WFS1: variants seen among roughly 807,000 people sequenced by gnomAD.
The protein encoded by WFS1 is wolframin.
In WFS1, 90 loss-of-function variants were observed where a neutral mutation model predicts 68.5. The observed-to-expected ratio is 1.31, with a 90% confidence interval of 1.11 to 1.56. The LOEUF (loss-of-function observed/expected upper bound fraction) is 1.56. Among genes scored for constraint, WFS1 ranks in the 40% most tolerant of loss-of-function variants. WFS1 has a pLI of 0.00. For missense variants in WFS1, 1,767 were observed against 1,232.6 expected (o/e 1.43, Z -6.49); for synonymous variants, 860 against 540.7 (o/e 1.59, Z -8.19).
rs557437645 is a variant in WFS1 at position 6,302,523 on chromosome 4, G to C, written c.*55G>C. The C allele has an allele frequency of 1.2e-5, 20 of 1,605,174 alleles. No individual in the cohort carries two copies. The highest frequency in any genetic ancestry group is 4.5e-5 in the East Asian group (2 of 44,802). On this transcript the variant is annotated 3_prime_UTR_variant, in exon 8 of 8. Transcript: ENST00000226760. ...CATGTTGCCATGAGGCCTTTCCCCA[G>C]TGTGGCCCCAGCCCGACAGGCATGC...
intron 1 of WFS1, among the ~76,000 whole-genome samples, chr4:6,275,068 G>A (rs1028164711): frequency 6.6e-6 from 1 of 152,166 alleles, no homozygotes; most frequent in Non-Finnish European, 1.5e-5. Context: ...AGGTCCATGC[G>A]AGGAACTCAC....
chr4:6,299,879 C>CGTGTGTGTGA (rs1730803994), intron 7 of WFS1, among the ~76,000 whole-genome samples: 2 of 65,444 alleles, frequency 3.1e-5, no homozygotes, highest in Admixed American at 2.3e-4. Flanking sequence ...GGGTGGGCTG[C>CGTGTGTGTGA]ATGTGTGTGT....
rs1284129956 is a variant in WFS1 at position 6,300,754 on chromosome 4, C to G, written c.959C>G (p.Pro320Arg). 6.2e-7 allele frequency: 1 copy of G among 1,613,942 alleles called. No homozygotes were observed. Among genetic ancestry groups the G allele is most frequent in the African/African-American group, 1.3e-5 (1 of 74,860 alleles). The change falls in exon 8 of 8, where the codon CCC (proline) becomes CGC (arginine). Residue 320 changes from proline (P) to arginine (R), a missense_variant. Physicochemically the swap from Pro to Arg is moderately radical, Grantham distance 103. Coordinates refer to ENST00000226760, the MANE Select transcript of WFS1 (RefSeq NM_006005.3). ...AGMHWLSTII[P>R]THHINALIFF... ...ATGCACTGGCTGTCCACCATCATCC[C>G]CACGCACCACATCAACGCGCTCATC...
At chr4:6,286,807 G>T (rs571791457) in intron 2 of WFS1, among the ~76,000 whole-genome samples, 1 of 152,270 alleles carries the variant, frequency 6.6e-6, no homozygotes, top group African/African-American at 2.4e-5. Context: ...CTCTGTGCTC[G>T]CCTCCTTCCC....
intron 2 of WFS1, among the ~76,000 whole-genome samples, chr4:6,278,065 G>T (rs1413084600): frequency 6.6e-6 from 1 of 152,268 alleles, no homozygotes; most frequent in East Asian, 1.9e-4. Flanking sequence ...CGGGAGTGAG[G>T]CCACATGCGG....
At position 6,302,144 on chromosome 4, in the gene WFS1, C is replaced by A; in HGVS notation, c.2349C>A (p.Phe783Leu). ...TTGAGATTACCGTGGGCATGCCATT[C>A]AGCAGCGGCGCTGACGGCTCGCGCA... The part of the protein sequence containing the change: ...YKFEITVGMP[F>L]SSGADGSRSR... The change falls in exon 8 of 8, where the codon TTC (phenylalanine) becomes TTA (leucine). Residue 783 changes from phenylalanine (F) to leucine (L), a missense_variant. By Grantham distance (22) the Phe-to-Leu change is conservative. Coordinates refer to ENST00000226760, the MANE Select transcript of WFS1 (RefSeq NM_006005.3). 2 of 1,612,976 alleles carry A rather than the reference C, an allele frequency of 1.2e-6. No individual in the cohort carries two copies. Among genetic ancestry groups the A allele is most frequent in the Non-Finnish European group, 1.7e-6 (2 of 1,179,996 alleles).
chr4:6,278,945 CTG>C (rs1279962228), intron 2 of WFS1, among the ~76,000 whole-genome samples: 3 of 152,338 alleles, frequency 2.0e-5, no homozygotes, highest in African/African-American at 7.2e-5. Flanking sequence ...GAGTCCAAGA[CTG>C]TGTGTTTCAG....
rs150936382 is a variant in WFS1, at chr4:6,302,165, G to C, written c.2370G>C (p.Ser790=). 8.7e-6 allele frequency: 14 copies of C among 1,611,656 alleles called. No homozygotes were observed. The African/African-American group carries it at 1.3e-4, about 15-fold the overall frequency. ...GMPFSSGADG[S]RSREEDDVTK... ...CATTCAGCAGCGGCGCTGACGGCTC[G>C]CGCAGCCGCGAGGAGGACGACGTCA... The change falls in exon 8 of 8, where the codon TCG becomes TCC. Residue 790 remains serine, a synonymous_variant. Coordinates refer to ENST00000226760, the MANE Select transcript of WFS1 (RefSeq NM_006005.3).
rs952830638 is a variant in WFS1, at chr4:6,297,139, T to G, written c.861+1950T>G. On this transcript the variant is annotated intron_variant, in intron 7 of 7. Coordinates refer to ENST00000226760, the MANE Select transcript of WFS1 (RefSeq NM_006005.3). ...CACTGTATCCAGCCTGAAAGTCCTTTTTAGAAGGGAGAGATTTAAGCTGTT... is the reference window on the plus strand; with the variant it reads ...CACTGTATCCAGCCTGAAAGTCCTTGTTAGAAGGGAGAGATTTAAGCTGTT... Among the ~76,000 whole-genome samples the G allele has an allele frequency of 7.9e-5, 12 of 152,324 alleles. No individual in the cohort carries two copies. The East Asian group carries it at 2.3e-3, about 29-fold the overall frequency.
Position 6,274,749 on chromosome 4 carries a change from T to TGGAGGTCA in WFS1, c.-5-2700_-5-2693dup, listed in dbSNP as rs1241564039. Among the ~76,000 whole-genome samples, 3 of 151,794 alleles carry TGGAGGTCA rather than the reference T, an allele frequency of 2.0e-5. No individual in the cohort carries two copies. The East Asian group carries it at 5.8e-4, about 29-fold the overall frequency. ...AGAGGGCCCTGCAGAAACAGAAGTG[T>TGGAGGTCA]GGAGGTCAGCATTTGTATGCTGATG... On this transcript the variant is annotated intron_variant, in intron 1 of 7. Coordinates refer to ENST00000226760, the MANE Select transcript of WFS1 (RefSeq NM_006005.3).
intron 1 of WFS1, among the ~76,000 whole-genome samples, chr4:6,270,722 A>G (rs528394262): frequency 7.2e-5 from 11 of 152,336 alleles, no homozygotes; most frequent in African/African-American, 2.6e-4. Flanking sequence ...GCCCTTTTGG[A>G]TGTGATGGCG....
intron 1 of WFS1, among the ~76,000 whole-genome samples, chr4:6,272,644 C>G (rs1018267076): frequency 6.6e-6 from 1 of 152,202 alleles, no homozygotes; most frequent in Non-Finnish European, 1.5e-5. Context: ...AAAAACATCA[C>G]ACATTCATTA....
At chr4:6,293,787 G>A (rs1730543692) in intron 6 of WFS1, among the ~76,000 whole-genome samples, 1 of 152,210 alleles carries the variant, frequency 6.6e-6, no homozygotes, top group Non-Finnish European at 1.5e-5. Context: ...ACTGTGCTCT[G>A]GTAGGGAGAT....
At chr4:6,273,244 C>T (rs1729889338) in intron 1 of WFS1, among the ~76,000 whole-genome samples, 1 of 152,242 alleles carries the variant, frequency 6.6e-6, no homozygotes, top group African/African-American at 2.4e-5. Flanking sequence ...CTGCAGCCCT[C>T]TCCAGGTGGC....
In WFS1 at chr4:6,291,334, CT is replaced by C; in HGVS notation, c.599del (p.Leu200ArgfsTer87). ...GAAGAAGCAGGTGGCCGTGGCGGAG[CT>C]GCTGGAGAATGTCGGCCAGGTCAAC... The part of the protein sequence containing the change: ...KKKKQVAVAE[L>X]LENVGQVNEH... On this transcript the variant is annotated frameshift_variant, in exon 5 of 8. Coordinates refer to ENST00000226760, the MANE Select transcript of WFS1 (RefSeq NM_006005.3). LOFTEE classifies it high-confidence loss of function. 1 of 1,613,288 alleles carries C rather than the reference CT, an allele frequency of 6.2e-7. No individual in the cohort carries two copies. The highest frequency in any genetic ancestry group is 8.5e-7 in the Non-Finnish European group (1 of 1,180,018).
chr4:6,276,161 T>C (rs1306734724), intron 1 of WFS1, among the ~76,000 whole-genome samples: 1 of 152,108 alleles, frequency 6.6e-6, no homozygotes, highest in Non-Finnish European at 1.5e-5. Context: ...TGAGGAAAAG[T>C]TTCCACAGCC....
rs529987934 is a variant in WFS1, at chr4:6,287,254, C to T, written c.315+79C>T. On this transcript the variant is annotated intron_variant, in intron 3 of 7. Transcript: ENST00000226760. This position sits in a 1 kb window ranked among gnomAD's most constrained non-coding sequence, Gnocchi z 6.4. ...GCCTGGCCACGAGCTCCACAGCCCA[C>T]AGAGAAGTGTCGGTGCCTGAGATCG... The T allele has an allele frequency of 6.1e-6, 8 of 1,305,036 alleles. No homozygotes were observed. The African/African-American group carries it at 1.2e-4, about 19-fold the overall frequency. 80.8% of individuals were successfully genotyped at this position (1,305,036 alleles called of 1,614,324 possible). A position where few individuals can be genotyped will look rare whatever the true frequency, so the allele number is the denominator to read the frequency against.
Position 6,301,510 on chromosome 4 carries a change from TCCTGGTGGCCGGCCTGGC to T in WFS1, c.1724_1741del (p.Ala575_Val580del), listed in dbSNP as rs1385982223. 6.2e-7 allele frequency: 1 copy of T among 1,613,494 alleles called. No homozygotes were observed. The highest frequency in any genetic ancestry group is 8.5e-7 in the Non-Finnish European group (1 of 1,179,928). ...TTCCTCTTCCTCTTTGCCCTCCCCA[TCCTGGTGGCCGGCCTGGC>T]CCTGGTGGGCGTGCTGCAGTTCGCC... On this transcript the variant is annotated inframe_deletion, in exon 8 of 8. Transcript: ENST00000226760.
At chr4:6,292,903 A>C (rs13108780) in intron 6 of WFS1, among the ~76,000 whole-genome samples, 1 of 152,032 alleles carries the variant, frequency 6.6e-6, no homozygotes, top group Non-Finnish European at 1.5e-5. Flanking sequence ...CCACCTTCCC[A>C]CTGGGCCCGT....
Sources: allele counts gnomAD v4.1 joint callset (sites outside exome capture counted in the v4.1 genomes callset), GRCh38; gene constraint gnomAD v4.1.1; non-coding constraint Gnocchi (gnomAD v3.1); transcripts MANE v1.5; gene names NCBI Gene and HGNC (gene_info 2026-07-23, HGNC 2026-07-21).